Variants in TAFA1 observed in about 807,000 individuals in gnomAD.
TAFA1 encodes the protein chemokine-like protein TAFA-1.
Under a neutral mutation model 18.5 loss-of-function variants are expected in TAFA1, and 4 were observed. That is an observed-to-expected ratio of 0.22 (90% CI 0.11 to 0.49). TAFA1 has a LOEUF of 0.49. Among genes scored for constraint, TAFA1 ranks in the 20% least tolerant of loss-of-function variants. The pLI is 0.98. For missense variants in TAFA1, 147 were observed against 169.0 expected (o/e 0.87, Z 0.72); for synonymous variants, 56 against 55.2 (o/e 1.01, Z -0.06).
intron 2 of TAFA1, among the ~76,000 whole-genome samples, chr3:68,272,238 G>C (rs886481650): frequency 7.2e-5 from 11 of 152,162 alleles, no homozygotes; most frequent in Non-Finnish European, 1.5e-4. Flanking sequence ...TTCATTTAGG[G>C]AGGCAGCGTA....
chr3:68,543,686 T>C (rs536930626), intron 4 of TAFA1, among the ~76,000 whole-genome samples: 2 of 152,256 alleles, frequency 1.3e-5, no homozygotes, highest in East Asian at 3.9e-4. Flanking sequence ...AAATGCCATA[T>C]TTCCTGGAAC....
chr3:68,541,352 C>T (rs540869793), intron 4 of TAFA1, among the ~76,000 whole-genome samples: 2 of 152,298 alleles, frequency 1.3e-5, no homozygotes, highest in African/African-American at 2.4e-5. Flanking sequence ...TAGGAACCAT[C>T]TATTCTGTGT....
chr3:68,431,844 C>T (rs140616463), intron 3 of TAFA1, among the ~76,000 whole-genome samples: 8 of 151,844 alleles, frequency 5.3e-5, no homozygotes, highest in East Asian at 1.9e-4. Context: ...TCTTAAGAGC[C>T]GAGCTCCCCG....
intron 2 of TAFA1, among the ~76,000 whole-genome samples, chr3:68,221,749 G>A (rs1438680839): frequency 1.3e-5 from 2 of 152,202 alleles, no homozygotes; most frequent in Admixed American, 6.5e-5. Flanking sequence ...ATGAGCAAAT[G>A]TACTGTGGGG....
At chr3:68,396,781 G>T (rs1159178310) in intron 2 of TAFA1, among the ~76,000 whole-genome samples, 1 of 152,114 alleles carries the variant, frequency 6.6e-6, no homozygotes, top group Non-Finnish European at 1.5e-5. Context: ...TTCCATAAAA[G>T]TTTAAACAAT....
intron 2 of TAFA1, among the ~76,000 whole-genome samples, chr3:68,327,356 G>C (rs906251168): frequency 5.3e-5 from 8 of 152,084 alleles, no homozygotes; most frequent in African/African-American, 1.9e-4. Context: ...ATCATTTACA[G>C]TTCTAGCAGA....
In TAFA1 at chr3:68,332,671, ACT is replaced by A. The variant is rs570088153; in HGVS notation, c.119-84607_119-84606del. On this transcript the variant is annotated intron_variant, in intron 2 of 4. Transcript: ENST00000478136. ...GAGACCAACAGGTATGTGGAAAGGT[ACT>A]CAACATCACTCATCATGGATATAAA... Among the ~76,000 whole-genome samples the A allele has an allele frequency of 4.6e-5, 7 of 152,334 alleles. No homozygotes were observed. The East Asian group carries it at 1.4e-3, about 29-fold the overall frequency.
chr3:68,538,671 C>T (rs1034143259), intron 3 of TAFA1, 85 bp from the exon 4 acceptor site: 75 of 1,384,724 alleles, frequency 5.4e-5, no homozygotes, highest in East Asian at 6.9e-5. Flanking sequence ...CTTCCAAGAA[C>T]GTGAAAATCT....
intron 2 of TAFA1, among the ~76,000 whole-genome samples, chr3:68,278,201 G>A (rs1005661589): frequency 2.0e-5 from 3 of 151,998 alleles, no homozygotes; most frequent in Non-Finnish European, 4.4e-5. Flanking sequence ...CATTCACACC[G>A]ACAATGGATA....
intron 3 of TAFA1, among the ~76,000 whole-genome samples, chr3:68,470,908 T>A (rs1490584327): frequency 6.6e-6 from 1 of 152,174 alleles, no homozygotes; most frequent in Non-Finnish European, 1.5e-5. Context: ...AGGTCATGTC[T>A]GAGACCCTTG....
intron 2 of TAFA1, among the ~76,000 whole-genome samples, chr3:68,031,301 C>T (rs932528757): frequency 6.6e-6 from 1 of 152,106 alleles, no homozygotes; most frequent in African/African-American, 2.4e-5. Flanking sequence ...CCTTATGGGG[C>T]ATCTGGTGAC....
At chr3:68,322,068 ATACT>A (rs1161329153) in intron 2 of TAFA1, among the ~76,000 whole-genome samples, 1 of 152,214 alleles carries the variant, frequency 6.6e-6, no homozygotes, top group Non-Finnish European at 1.5e-5. Flanking sequence ...AGAATTTTAC[ATACT>A]TAAATTTTAA....
chr3:68,085,499 G>A (rs1017377373), intron 2 of TAFA1, among the ~76,000 whole-genome samples: 1 of 152,186 alleles, frequency 6.6e-6, no homozygotes, highest in Non-Finnish European at 1.5e-5. Flanking sequence ...TGATTCTCCT[G>A]GAGGTTAAAT....
chr3:68,473,671 C>T (rs2072041399), intron 3 of TAFA1, among the ~76,000 whole-genome samples: 1 of 152,124 alleles, frequency 6.6e-6, no homozygotes. Flanking sequence ...GTTGTCTGCC[C>T]TCATAGGCCC....
intron 2 of TAFA1, among the ~76,000 whole-genome samples, chr3:68,087,144 A>T (rs887933420): frequency 6.6e-6 from 1 of 152,212 alleles, no homozygotes; most frequent in Non-Finnish European, 1.5e-5. Context: ...CAGGAATTGC[A>T]TTTAGAAAGG....
chr3:68,415,504 G>A (rs1452819859), intron 2 of TAFA1, among the ~76,000 whole-genome samples: 1 of 152,118 alleles, frequency 6.6e-6, no homozygotes, highest in Non-Finnish European at 1.5e-5. Context: ...AGGTTGGAGG[G>A]ATGGGAGGTA....
chr3:68,393,601 G>A (rs1283304145), intron 2 of TAFA1, among the ~76,000 whole-genome samples: 2 of 152,102 alleles, frequency 1.3e-5, no homozygotes, highest in Non-Finnish European at 2.9e-5. Context: ...GAACATCAAT[G>A]CAAAAATCCT....
intron 2 of TAFA1, among the ~76,000 whole-genome samples, chr3:68,240,845 C>G (rs2066987256): frequency 1.3e-5 from 2 of 152,098 alleles, no homozygotes; most frequent in South Asian, 4.1e-4. Flanking sequence ...GCAGACATAC[C>G]TCCTTTTATC....
chr3:68,143,460 A>G (rs573785381), intron 2 of TAFA1, among the ~76,000 whole-genome samples: 5 of 152,198 alleles, frequency 3.3e-5, no homozygotes, highest in Non-Finnish European at 7.3e-5. Flanking sequence ...ACAAAGCACA[A>G]TGGTCTCCCT....
Sources: gnomAD v4.1 joint callset for allele counts (sites outside exome capture counted in the v4.1 genomes callset) on GRCh38, gnomAD v4.1.1 for gene constraint, MANE v1.5 for transcripts, NCBI Gene and HGNC (gene_info 2026-07-23, HGNC 2026-07-21) for gene names.